The following C11orf91 variants were observed in gnomAD, a reference collection of about 807,000 sequenced individuals.
The protein encoded by C11orf91 is uncharacterized protein C11orf91.
A neutral mutation model predicts 14.3 loss-of-function variants in C11orf91; 10 were observed. The ratio of observed to expected loss-of-function variants is 0.70; its 90% CI spans 0.43 to 1.18. The LOEUF is 1.18. C11orf91 is among the 50% of genes most tolerant of loss of function. The pLI is 0.00. For missense variants in C11orf91, 236 were observed against 269.0 expected (o/e 0.88, Z 0.86); for synonymous variants, 141 against 130.6 (o/e 1.08, Z -0.54).
At chr11:33,699,059 C>G (rs557515433) in intron 1 of C11orf91, among the ~76,000 whole-genome samples, 15 of 152,052 alleles carry the variant, frequency 9.9e-5, no homozygotes, top group East Asian at 5.8e-4. Flanking sequence ...ATTGGCCCCC[C>G]CAAAGTGCTG....
chr11:33,698,506 G>T lies in C11orf91; in HGVS notation c.505C>A (p.Leu169Met). 1 of 1,537,180 alleles carries T rather than the reference G, an allele frequency of 6.5e-7. No individual in the cohort carries two copies. The highest frequency in any genetic ancestry group is 8.7e-7 in the Non-Finnish European group (1 of 1,146,614). The change falls in exon 2 of 2, where the codon CTG (leucine) becomes ATG (methionine). Residue 169 changes from leucine (L) to methionine (M), a missense_variant. Leu to Met is a conservative substitution (Grantham distance 15). Transcript: ENST00000379011. ...AACTTTTCGTCTTTTAGCGCCTTCA[G>T]GAATGTGTCTGCAGGAGAGCAAAAC... ...DGFDSQSYTF[L>M]KALKDEKLQG...
chr11:33,699,642 T>C (rs936169815), intron 1 of C11orf91: 1 of 456,238 alleles, frequency 2.2e-6, no homozygotes, highest in African/African-American at 2.0e-5. Context: ...AGACCAGATA[T>C]CAGCCCAGGA....
At chr11:33,702,446 C>T (rs1853144040), upstream of C11orf91, among the ~76,000 whole-genome samples, 1 of 152,054 alleles carries the variant, frequency 6.6e-6, no homozygotes, top group South Asian at 2.1e-4. Context: ...CAAGGCAGGA[C>T]CCTGTCTCAA....
Position 33,700,624 on chromosome 11 carries a change from G to A in C11orf91, c.117C>T (p.Phe39=). The change falls in exon 1 of 2, where the codon TTC becomes TTT. Residue 39 remains phenylalanine, a synonymous_variant. Transcript: ENST00000379011. ...RGISSSPLSD[F]NIWKKLFVPL... is the part of the protein sequence containing the mutation. ...GCACGAAGAGCTTCTTCCAGATGTT[G>A]AAGTCGCTGAGCGGGGACGAGGAGA... is the stretch of plus-strand genomic sequence containing the variant. The A allele has an allele frequency of 1.4e-6, 2 of 1,476,254 alleles. No individual in the cohort carries two copies. The highest frequency in any genetic ancestry group is 1.8e-6 in the Non-Finnish European group (2 of 1,118,600). 91.4% of individuals were successfully genotyped at this position (1,476,254 alleles called of 1,614,324 possible). A position where few individuals can be genotyped will look rare whatever the true frequency, so the allele number is the denominator to read the frequency against.
upstream of C11orf91, among the ~76,000 whole-genome samples, chr11:33,701,201 T>C (rs1017055416): frequency 6.6e-6 from 1 of 152,196 alleles, no homozygotes; most frequent in Non-Finnish European, 1.5e-5. Flanking sequence ...CTTACCTCAT[T>C]GCCTCACTGG....
chr11:33,706,390 C>T, the C11orf91 span: 1 of 151,930 alleles, frequency 6.6e-6, no homozygotes, highest in Non-Finnish European at 1.5e-5. Context: ...GGGGTAAATG[C>T]ATTGTGATTC....
intron 1 of C11orf91, 146 bp from the exon 2 acceptor site, chr11:33,698,660 C>G (rs1247123923): frequency 8.2e-6 from 5 of 613,266 alleles, no homozygotes; most frequent in Non-Finnish European, 1.4e-5. Flanking sequence ...AAACAAAAAA[C>G]TGAAAACTCT....
At chr11:33,699,474 T>C in intron 1 of C11orf91, 1 of 446,194 alleles carries the variant, frequency 2.2e-6, no homozygotes, top group Non-Finnish European at 4.5e-6. Context: ...CAGGACAACC[T>C]ACCGCTACTG....
At chr11:33,704,785 C>G (rs1344048914), upstream of C11orf91, 1 of 152,582 alleles carries the variant, frequency 6.6e-6, no homozygotes, top group Admixed American at 6.5e-5. Context: ...AGGCTGCACA[C>G]ACGGCCTCTA....
At chr11:33,701,123 A>G (rs1257560598), upstream of C11orf91, among the ~76,000 whole-genome samples, 4 of 152,238 alleles carry the variant, frequency 2.6e-5, no homozygotes, top group South Asian at 6.2e-4. Context: ...AGCTTACTTC[A>G]GGCTTCCTCT....
At chr11:33,699,628 C>G (rs571361667) in intron 1 of C11orf91, 20 of 455,946 alleles carry the variant, frequency 4.4e-5, no homozygotes, top group South Asian at 1.5e-5. Context: ...AGACTTCAGA[C>G]GTAAGACCAG....
At chr11:33,701,729 A>G (rs761200684), upstream of C11orf91, among the ~76,000 whole-genome samples, 4 of 148,258 alleles carry the variant, frequency 2.7e-5, no homozygotes, top group Non-Finnish European at 5.9e-5. Flanking sequence ...ATATATATGC[A>G]TATGTATCTG....
chr11:33,705,222 G>C (rs184127621), upstream of C11orf91: 1 of 152,306 alleles, frequency 6.6e-6, no homozygotes, highest in Admixed American at 6.5e-5. Flanking sequence ...GCGTTCTCAT[G>C]TTATCCTGAC....
intron 1 of C11orf91, among the ~76,000 whole-genome samples, chr11:33,699,939 C>G (rs1853092450): frequency 6.6e-6 from 1 of 151,412 alleles, no homozygotes. Context: ...GATTAAAGTT[C>G]AGGACGGGGT....
chr11:33,699,955 C>T lies in C11orf91; in HGVS notation c.496+290G>A, dbSNP rs1853092711. ...ATTAAAGTTCAGGACGGGGTGGTGG[C>T]GGATGGAGTTCCAGGTGTGGAGGCT... On this transcript the variant is annotated intron_variant, in intron 1 of 1. Transcript: ENST00000379011. Among the ~76,000 whole-genome samples the T allele has an allele frequency of 2.0e-5, 3 of 151,114 alleles. No individual in the cohort carries two copies. The South Asian group carries it at 6.2e-4, about 31-fold the overall frequency.
At position 33,698,942 on chromosome 11, in the gene C11orf91, G is replaced by A. The variant is rs115359804; in HGVS notation, c.497-428C>T. 1.2e-3 allele frequency among the ~76,000 whole-genome samples: 185 copies of A among 151,726 alleles called. 2 individuals carry two copies. Among genetic ancestry groups the A allele is most frequent in the African/African-American group, 4.3e-3 (176 of 41,344 alleles). ...ATTACAAATGTGTGCCACCAAGCCCGGCTCATTTTTGTATTTTAGTAGAGA... is the reference window on the plus strand; with the variant it reads ...ATTACAAATGTGTGCCACCAAGCCCAGCTCATTTTTGTATTTTAGTAGAGA... On this transcript the variant is annotated intron_variant, in intron 1 of 1. Transcript: ENST00000379011.
At chr11:33,701,106 A>T (rs1853119590), upstream of C11orf91, among the ~76,000 whole-genome samples, 1 of 152,272 alleles carries the variant, frequency 6.6e-6, no homozygotes, top group Non-Finnish European at 1.5e-5. Flanking sequence ...CCAGGGCTGC[A>T]GAAGAAAGCT....
upstream of C11orf91, chr11:33,705,349 C>G (rs1047922942): frequency 6.6e-6 from 1 of 152,220 alleles, no homozygotes; most frequent in Non-Finnish European, 1.5e-5. Flanking sequence ...CTCTTAAGAA[C>G]TAGGTTTAGA....
chr11:33,700,064 TG>T (rs1169383193), intron 1 of C11orf91, among the ~76,000 whole-genome samples, 180 bp downstream of exon 1: 2 of 151,652 alleles, frequency 1.3e-5, no homozygotes, highest in African/African-American at 4.8e-5. Context: ...AGATCTGTGG[TG>T]GGGGGAGGAG....
Sources: gnomAD v4.1 joint callset for allele counts (sites outside exome capture counted in the v4.1 genomes callset) on GRCh38, gnomAD v4.1.1 for gene constraint, MANE v1.5 for transcripts, NCBI Gene and HGNC (gene_info 2026-07-23, HGNC 2026-07-21) for gene names.